ATP6V0E1: variants seen among roughly 807,000 people sequenced by gnomAD.
The protein encoded by ATP6V0E1 is V-type proton ATPase subunit e 1.
Under a neutral mutation model 11.6 loss-of-function variants are expected in ATP6V0E1, and 4 were observed. The ratio of observed to expected loss-of-function variants is 0.35; its 90% CI spans 0.17 to 0.79. ATP6V0E1 has a LOEUF of 0.79. Ranked by LOEUF, ATP6V0E1 falls within the 30% of genes least tolerant of loss-of-function variation. ATP6V0E1 has a pLI of 0.54. For missense variants in ATP6V0E1, 105 were observed against 100.0 expected (o/e 1.05, Z -0.21); for synonymous variants, 36 against 34.8 (o/e 1.04, Z -0.13).
chr5:173,004,330 A>T (rs1756198430), intron 2 of ATP6V0E1, among the ~76,000 whole-genome samples: 1 of 152,162 alleles, frequency 6.6e-6, no homozygotes, highest in Non-Finnish European at 1.5e-5. Context: ...GGGAGCAAAG[A>T]TGTTACTAAC....
At chr5:173,021,853 G>A (rs545402406) in intron 3 of ATP6V0E1, among the ~76,000 whole-genome samples, 19 of 152,236 alleles carry the variant, frequency 1.2e-4, no homozygotes, top group African/African-American at 4.1e-4. Context: ...TCGAGACCAC[G>A]GTGAAACCCA....
At chr5:172,998,190 C>CTTTTTT (rs999790390) in intron 2 of ATP6V0E1, among the ~76,000 whole-genome samples, 35 of 104,852 alleles carry the variant, frequency 3.3e-4, no homozygotes, top group African/African-American at 4.5e-4. Context: ...AAAATTTAGT[C>CTTTTTT]TTTTTTTTTT....
At chr5:172,983,995 C>G (rs1282514661) in intron 1 of ATP6V0E1, 31 bp downstream of exon 1, 1 of 1,602,820 alleles carries the variant, frequency 6.2e-7, no homozygotes, top group South Asian at 1.1e-5. Flanking sequence ...TTGGGAGGAA[C>G]GGGCGGTGAG....
At chr5:172,988,237 C>G (rs190534324) in intron 1 of ATP6V0E1, among the ~76,000 whole-genome samples, 1 of 152,176 alleles carries the variant, frequency 6.6e-6, no homozygotes, top group African/African-American at 2.4e-5. Context: ...ACTGAAAGGT[C>G]ATTATGTGGC....
intron 3 of ATP6V0E1, among the ~76,000 whole-genome samples, chr5:173,033,029 G>A (rs772139002): frequency 2.8e-4 from 43 of 152,340 alleles, no homozygotes; most frequent in Non-Finnish European, 5.6e-4. Flanking sequence ...CCAGAAGGTC[G>A]AGGCTGCAGT....
At chr5:173,013,574 C>CAAAAA (rs35084966) in intron 2 of ATP6V0E1, among the ~76,000 whole-genome samples, 1 of 61,614 alleles carries the variant, frequency 1.6e-5, no homozygotes. Flanking sequence ...GACTCCATCT[C>CAAAAA]AAAAAAAAAA....
intron 2 of ATP6V0E1, among the ~76,000 whole-genome samples, chr5:173,008,222 G>A (rs1349585948): frequency 2.6e-5 from 4 of 151,994 alleles, no homozygotes; most frequent in African/African-American, 9.7e-5. Context: ...GAGCTGAGAG[G>A]CAATAAATTC....
chr5:173,018,057 G>A (rs111980613), intron 2 of ATP6V0E1, among the ~76,000 whole-genome samples: 1 of 151,972 alleles, frequency 6.6e-6, no homozygotes, highest in African/African-American at 2.4e-5. Context: ...TTTGAATAAC[G>A]TGGAAGTTAG....
intron 2 of ATP6V0E1, among the ~76,000 whole-genome samples, chr5:173,015,712 C>T (rs1756389412): frequency 6.6e-6 from 1 of 152,140 alleles, no homozygotes; most frequent in South Asian, 2.1e-4. Flanking sequence ...ATCCCTTCAT[C>T]AGTATCTTGT....
At chr5:173,019,760 C>T (rs1756453015) in intron 2 of ATP6V0E1, among the ~76,000 whole-genome samples, 1 of 152,020 alleles carries the variant, frequency 6.6e-6, no homozygotes, top group Admixed American at 6.6e-5. Context: ...ATGTTATAGT[C>T]TAATAGGAAG....
At position 173,035,402 on chromosome 5, in the gene ATP6V0E1, A is replaced by G. The variant is rs897132177; in HGVS notation, c.*1040A>G. ...CTCGATACACTAATTTGAGAGCTTT[A>G]TTACTTTTAAGAAATTAAAAATTAA... is the stretch of plus-strand genomic sequence containing the variant. On this transcript the variant is annotated 3_prime_UTR_variant, in exon 4 of 4. Transcript: ENST00000519374. 6.6e-6 allele frequency: 1 copy of G among 152,214 alleles called. No individual in the cohort carries two copies. Among genetic ancestry groups the G allele is most frequent in the Admixed American group, 6.5e-5 (1 of 15,284 alleles). The allele number at this position is 152,214 out of a possible 1,614,324, so 9.4% of individuals were successfully genotyped here.
At chr5:172,997,194 A>G (rs1332606550) in intron 2 of ATP6V0E1, among the ~76,000 whole-genome samples, 1 of 152,334 alleles carries the variant, frequency 6.6e-6, no homozygotes, top group African/African-American at 2.4e-5. Flanking sequence ...AAATTTTCCA[A>G]TGACAAATTC....
intron 3 of ATP6V0E1, among the ~76,000 whole-genome samples, chr5:173,029,037 T>C (rs974330393): frequency 2.0e-5 from 3 of 152,204 alleles, no homozygotes; most frequent in Non-Finnish European, 4.4e-5. Flanking sequence ...AGAAATGCTG[T>C]TTTATTATAA....
chr5:172,994,608 C>T (rs1447312439), intron 1 of ATP6V0E1, among the ~76,000 whole-genome samples, 167 bp from the exon 2 acceptor site: 2 of 152,074 alleles, frequency 1.3e-5, no homozygotes, highest in Non-Finnish European at 2.9e-5. Flanking sequence ...CCCAGGTGTA[C>T]CCTGGGCACA....
chr5:173,032,248 AT>A (rs1255079395), intron 3 of ATP6V0E1, among the ~76,000 whole-genome samples: 21 of 16,262 alleles, frequency 1.3e-3, no homozygotes, highest in African/African-American at 7.2e-3. Context: ...CTTTTATTTT[AT>A]TTTATTTATT....
At chr5:173,012,029 C>G (rs893093100) in intron 2 of ATP6V0E1, among the ~76,000 whole-genome samples, 1 of 149,788 alleles carries the variant, frequency 6.7e-6, no homozygotes. Context: ...TAGACTGTTT[C>G]CTAGGTAAAT....
chr5:173,025,214 C>T (rs1378364557), intron 3 of ATP6V0E1, among the ~76,000 whole-genome samples: 2 of 141,508 alleles, frequency 1.4e-5, no homozygotes, highest in East Asian at 4.2e-4. Context: ...GTGGCAGTAT[C>T]TTGGCTCACT....
At chr5:173,014,651 T>C (rs918204875) in intron 2 of ATP6V0E1, among the ~76,000 whole-genome samples, 2 of 152,138 alleles carry the variant, frequency 1.3e-5, no homozygotes, top group African/African-American at 4.8e-5. Context: ...TTCTCACTTA[T>C]ATGTGGGAGC....
At chr5:173,033,899 G>T (rs569220489) in intron 3 of ATP6V0E1, among the ~76,000 whole-genome samples, 2 of 152,068 alleles carry the variant, frequency 1.3e-5, no homozygotes, top group Non-Finnish European at 2.9e-5. Context: ...AATTTAAGCT[G>T]CTAGAAAAAG....
Sources: allele counts gnomAD v4.1 joint callset (sites outside exome capture counted in the v4.1 genomes callset), GRCh38; gene constraint gnomAD v4.1.1; transcripts MANE v1.5; gene names NCBI Gene and HGNC (gene_info 2026-07-23, HGNC 2026-07-21).